Variants in CDK17 observed in about 807,000 individuals in gnomAD.
CDK17 encodes the protein cyclin-dependent kinase 17.
In CDK17, 24 loss-of-function variants were observed where a neutral mutation model predicts 77.6. The ratio of observed to expected loss-of-function variants is 0.31; its 90% CI spans 0.22 to 0.44. The LOEUF is 0.44. CDK17 is among the 20% of genes least tolerant of loss of function. The pLI, the probability that CDK17 is intolerant of heterozygous loss-of-function variation, is 1.00. For synonymous variants in CDK17, 203 were observed against 210.4 expected (o/e 0.96, Z 0.30); for missense variants, 429 against 622.5 (o/e 0.69, Z 3.31).
chr12:96,301,646 T>A (rs962390539), intron 5 of CDK17, among the ~76,000 whole-genome samples: 3 of 152,154 alleles, frequency 2.0e-5, no homozygotes, highest in Non-Finnish European at 4.4e-5. Context: ...AAAAGCCAGT[T>A]AAAGGAAATA....
At chr12:96,359,171 T>G (rs1953456535) in intron 1 of CDK17, among the ~76,000 whole-genome samples, 1 of 152,122 alleles carries the variant, frequency 6.6e-6, no homozygotes. Flanking sequence ...ACCTTACTAA[T>G]CATTCCAGCA....
intron 1 of CDK17, among the ~76,000 whole-genome samples, chr12:96,362,542 T>C (rs937432553): frequency 1.3e-5 from 2 of 152,178 alleles, no homozygotes; most frequent in African/African-American, 4.8e-5. Context: ...TTATAAAATC[T>C]TGGTTTTGAA....
chr12:96,285,556 G>C (rs1216378893), intron 13 of CDK17, among the ~76,000 whole-genome samples: 1 of 152,042 alleles, frequency 6.6e-6, no homozygotes. Context: ...AATTTTATTG[G>C]GAGCCTTGGA....
intron 1 of CDK17, among the ~76,000 whole-genome samples, chr12:96,391,124 A>G (rs1954060840): frequency 1.3e-5 from 2 of 151,950 alleles, no homozygotes; most frequent in Non-Finnish European, 2.9e-5. Context: ...AGTCAACTGT[A>G]TACATAAACT....
chr12:96,318,133 A>AG (rs1331458494), intron 3 of CDK17, among the ~76,000 whole-genome samples: 1 of 146,932 alleles, frequency 6.8e-6, no homozygotes, highest in Non-Finnish European at 1.5e-5. Context: ...AACAAAAAAA[A>AG]GCAGGGGTTG....
At chr12:96,368,565 G>A (rs1304570619) in intron 1 of CDK17, among the ~76,000 whole-genome samples, 2 of 152,124 alleles carry the variant, frequency 1.3e-5, no homozygotes, top group Admixed American at 6.5e-5. Flanking sequence ...GGCCAATCTT[G>A]TTGCCCCTCA....
intron 3 of CDK17, among the ~76,000 whole-genome samples, chr12:96,323,187 C>T (rs1308644385): frequency 6.6e-6 from 1 of 151,856 alleles, no homozygotes; most frequent in African/African-American, 2.4e-5. Flanking sequence ...AATCCCAGCC[C>T]TCTGGGAGGC....
intron 1 of CDK17, among the ~76,000 whole-genome samples, chr12:96,394,664 A>G (rs974430828): frequency 1.3e-5 from 2 of 151,810 alleles, no homozygotes; most frequent in Non-Finnish European, 2.9e-5. Context: ...AAAATACAAA[A>G]TTTAGTTGGA....
At chr12:96,361,858 T>C (rs747275750) in intron 1 of CDK17, among the ~76,000 whole-genome samples, 41 of 152,192 alleles carry the variant, frequency 2.7e-4, no homozygotes, top group Non-Finnish European at 5.4e-4. Context: ...GAAGAGAAGA[T>C]TAATGTGGAT....
chr12:96,310,729 A>C (rs1670880713), intron 5 of CDK17, among the ~76,000 whole-genome samples: 1 of 151,010 alleles, frequency 6.6e-6, no homozygotes, highest in African/African-American at 2.4e-5. Flanking sequence ...TATCTAGTAT[A>C]TATTAATACA....
intron 1 of CDK17, among the ~76,000 whole-genome samples, chr12:96,339,302 G>A (rs536490859): frequency 1.3e-5 from 2 of 152,112 alleles, no homozygotes; most frequent in South Asian, 2.1e-4. Context: ...TGAAAAGTAC[G>A]TAGTCCAAAC....
Position 96,298,849 on chromosome 12 carries a change from G to A in CDK17, c.715+20C>T, listed in dbSNP as rs376560138. ...TATTCCACCACTTTGATTTTAAAAT[G>A]TTCTGTATAATTATTATACCTTCTC... On this transcript the variant is annotated intron_variant, in intron 7 of 16. Coordinates refer to ENST00000261211, the MANE Select transcript of CDK17 (RefSeq NM_002595.5). 4 of 1,291,774 alleles carry A rather than the reference G, an allele frequency of 3.1e-6. No individual in the cohort carries two copies. Among genetic ancestry groups the A allele is most frequent in the African/African-American group, 3.0e-5 (2 of 67,196 alleles). 80.0% of individuals were successfully genotyped at this position (1,291,774 alleles called of 1,614,324 possible). A position where few individuals can be genotyped will look rare whatever the true frequency, so the allele number is the denominator to read the frequency against.
At chr12:96,304,990 T>C (rs1266654703) in intron 5 of CDK17, among the ~76,000 whole-genome samples, 1 of 152,208 alleles carries the variant, frequency 6.6e-6, no homozygotes, top group Non-Finnish European at 1.5e-5. Context: ...ATAATTTGAA[T>C]ACAATAAGAC....
At chr12:96,362,596 T>G (rs1953511767) in intron 1 of CDK17, among the ~76,000 whole-genome samples, 1 of 104,492 alleles carries the variant, frequency 9.6e-6, no homozygotes, top group Admixed American at 9.5e-5. Context: ...TCTGTAAAAC[T>G]TCATCTGTAA....
At chr12:96,314,523 T>C (rs148201261) in intron 3 of CDK17, among the ~76,000 whole-genome samples, 8 of 152,138 alleles carry the variant, frequency 5.3e-5, no homozygotes, top group Non-Finnish European at 8.8e-5. Context: ...CAAGGTCTGA[T>C]TGCAAAAATT....
chr12:96,352,635 T>A (rs1451264832), intron 1 of CDK17, among the ~76,000 whole-genome samples: 1 of 152,076 alleles, frequency 6.6e-6, no homozygotes, highest in East Asian at 1.9e-4. Flanking sequence ...TGCAACAAGG[T>A]CCCATCCCAA....
chr12:96,382,758 G>A (rs6538708), intron 1 of CDK17, among the ~76,000 whole-genome samples: 130,011 of 152,158 alleles, frequency 0.85, 55,611 homozygotes, highest in African/African-American at 0.87. Context: ...AAAACAAAAA[G>A]CATATCATCT....
At chr12:96,346,094 G>A (rs1953206747) in intron 1 of CDK17, among the ~76,000 whole-genome samples, 1 of 152,134 alleles carries the variant, frequency 6.6e-6, no homozygotes, top group Non-Finnish European at 1.5e-5. Context: ...GAAGTGGGTG[G>A]ATCGTGTGAG....
chr12:96,379,740 C>T (rs1275856804), intron 1 of CDK17, among the ~76,000 whole-genome samples: 1 of 152,096 alleles, frequency 6.6e-6, no homozygotes, highest in Non-Finnish European at 1.5e-5. Context: ...AGTAAATCTA[C>T]TATTTATATC....
Sources: allele counts gnomAD v4.1 joint callset (sites outside exome capture counted in the v4.1 genomes callset), GRCh38; gene constraint gnomAD v4.1.1; transcripts MANE v1.5; gene names NCBI Gene and HGNC (gene_info 2026-07-23, HGNC 2026-07-21).